FMN1: variants seen among roughly 807,000 people sequenced by gnomAD.
The protein encoded by FMN1 is formin-1.
A neutral mutation model predicts 132.4 loss-of-function variants in FMN1; 110 were observed. The observed-to-expected ratio is 0.83, with a 90% CI of 0.71 to 0.97. The LOEUF (loss-of-function observed/expected upper bound fraction) is 0.97, where lower values mean the gene tolerates loss of function less well. Ranked by LOEUF, FMN1 falls within the 50% of genes least tolerant of loss-of-function variation. The probability of loss-of-function intolerance (pLI) is 0.00; values close to 1 mark genes in which losing one functional copy is unlikely to be tolerated. For synonymous variants in FMN1, 722 were observed against 651.7 expected (o/e 1.11, Z -1.64); for missense variants, 1,792 against 1,705.3 (o/e 1.05, Z -0.90).
At chr15:32,848,852 T>A (rs1184287769) in intron 17 of FMN1, among the ~76,000 whole-genome samples, 2 of 152,192 alleles carry the variant, frequency 1.3e-5, no homozygotes, top group Non-Finnish European at 2.9e-5. Context: ...ACCTGTTTGA[T>A]TAGTTTTAGG....
intron 4 of FMN1, among the ~76,000 whole-genome samples, chr15:33,122,905 G>GCATA: frequency 6.6e-6 from 1 of 152,132 alleles, no homozygotes; most frequent in Non-Finnish European, 1.5e-5. Context: ...CATCTATGCA[G>GCATA]CATGTACTAT....
intron 9 of FMN1, among the ~76,000 whole-genome samples, chr15:32,932,951 T>C (rs1434240778): frequency 6.6e-6 from 1 of 152,192 alleles, no homozygotes; most frequent in African/African-American, 2.4e-5. Context: ...TTGTGTTGAC[T>C]ATTTTCCTAT....
chr15:32,961,615 C>A (rs1409567564), intron 9 of FMN1, among the ~76,000 whole-genome samples: 1 of 152,082 alleles, frequency 6.6e-6, no homozygotes, highest in Non-Finnish European at 1.5e-5. Flanking sequence ...GAAATGGTAG[C>A]CGTAGTAGTA....
intron 5 of FMN1, among the ~76,000 whole-genome samples, chr15:33,069,900 G>C (rs746540791): frequency 4.1e-5 from 6 of 147,670 alleles, no homozygotes; most frequent in African/African-American, 9.9e-5. Flanking sequence ...TTCTTGTCTA[G>C]AGGAAATACC....
intron 3 of FMN1, among the ~76,000 whole-genome samples, chr15:33,163,809 G>C (rs1298151628): frequency 6.6e-6 from 1 of 151,306 alleles, no homozygotes; most frequent in Non-Finnish European, 1.5e-5. Context: ...GTAGAGATGG[G>C]GTTTCCTCAT....
chr15:32,970,006 T>A (rs78036938), intron 7 of FMN1, among the ~76,000 whole-genome samples: 2,070 of 152,306 alleles, frequency 0.014, 40 homozygotes, highest in African/African-American at 0.047. Flanking sequence ...CTTACTTTTT[T>A]AAAGTTTCCT....
At chr15:32,833,040 C>T (rs539851013) in intron 17 of FMN1, among the ~76,000 whole-genome samples, 82 of 152,216 alleles carry the variant, frequency 5.4e-4, no homozygotes, top group African/African-American at 1.9e-3. Flanking sequence ...CTTTACAACT[C>T]CTCCTTTCTC....
intron 15 of FMN1, among the ~76,000 whole-genome samples, chr15:32,889,778 A>C (rs1008091631): frequency 1.4e-4 from 21 of 151,952 alleles, no homozygotes; most frequent in African/African-American, 4.8e-4. Context: ...ATCACCATTA[A>C]TTTTTTTCCC....
At chr15:32,949,970 C>CACATAT (rs1555503145) in intron 9 of FMN1, among the ~76,000 whole-genome samples, 2 of 8,736 alleles carry the variant, frequency 2.3e-4, no homozygotes, top group Non-Finnish European at 5.2e-4. Context: ...TATATACACA[C>CACATAT]ATATATATAC....
chr15:33,117,716 T>A (rs551959889), intron 4 of FMN1, among the ~76,000 whole-genome samples: 349 of 152,282 alleles, frequency 2.3e-3, no homozygotes, highest in African/African-American at 8.1e-3. Flanking sequence ...TTAACTATTA[T>A]CTAGCAAACA....
At chr15:33,111,460 A>T (rs1211655244) in intron 4 of FMN1, among the ~76,000 whole-genome samples, 2 of 152,190 alleles carry the variant, frequency 1.3e-5, no homozygotes, top group African/African-American at 4.8e-5. Flanking sequence ...AATACAACTC[A>T]GCAATTTCAC....
At chr15:32,983,665 C>A (rs1178571707) in intron 7 of FMN1, among the ~76,000 whole-genome samples, 1 of 152,176 alleles carries the variant, frequency 6.6e-6, no homozygotes, top group Non-Finnish European at 1.5e-5. Flanking sequence ...CAAAATCTCT[C>A]TCTGTTGAAA....
intron 9 of FMN1, among the ~76,000 whole-genome samples, chr15:32,956,531 G>A (rs979624836): frequency 6.6e-6 from 1 of 152,064 alleles, no homozygotes; most frequent in Admixed American, 6.6e-5. Context: ...CTGAAGAACA[G>A]GAAAGCCCTG....
chr15:33,127,951 G>A (rs1222887528), intron 4 of FMN1, among the ~76,000 whole-genome samples: 6 of 152,136 alleles, frequency 3.9e-5, no homozygotes, highest in Non-Finnish European at 5.9e-5. Flanking sequence ...AACAGGACAG[G>A]AGAAAGGAAA....
intron 4 of FMN1, among the ~76,000 whole-genome samples, chr15:33,093,423 CT>C (rs1467196777): frequency 1.3e-5 from 2 of 152,116 alleles, no homozygotes; most frequent in Admixed American, 6.5e-5. Flanking sequence ...AGTGACACTG[CT>C]AAGTGCTTGT....
At chr15:33,149,730 C>A in intron 4 of FMN1, 2 of 946,582 alleles carry the variant, frequency 2.1e-6, no homozygotes, top group Non-Finnish European at 2.5e-6. Flanking sequence ...CTTTGTACTA[C>A]ATACTTTCTG....
chr15:32,794,120 C>G (rs1282425998), intron 19 of FMN1, among the ~76,000 whole-genome samples: 1 of 152,086 alleles, frequency 6.6e-6, no homozygotes, highest in Non-Finnish European at 1.5e-5. Flanking sequence ...CCCATAACAG[C>G]AGCAAGTAAT....
chr15:32,977,109 T>C, intron 7 of FMN1, among the ~76,000 whole-genome samples: 1 of 152,322 alleles, frequency 6.6e-6, no homozygotes, highest in Non-Finnish European at 1.5e-5. Flanking sequence ...AATAATTAAT[T>C]AGTAAAACTA....
intron 19 of FMN1, among the ~76,000 whole-genome samples, chr15:32,792,875 A>G (rs1314315196): frequency 1.3e-5 from 2 of 152,190 alleles, no homozygotes; most frequent in Admixed American, 6.5e-5. Context: ...ACAAAAGAGA[A>G]GAAAACTGGG....
Sources: gnomAD v4.1 joint callset for allele counts (sites outside exome capture counted in the v4.1 genomes callset) on GRCh38, gnomAD v4.1.1 for gene constraint, MANE v1.5 for transcripts, NCBI Gene and HGNC (gene_info 2026-07-23, HGNC 2026-07-21) for gene names.